SH2B3: variants seen among roughly 807,000 people sequenced by gnomAD.
SH2B3 encodes the protein SH2B adapter protein 3.
SH2B3 carries 43 observed loss-of-function variants against 51.9 expected under a neutral mutation model. That is an observed-to-expected ratio of 0.83 (90% CI 0.65 to 1.07). SH2B3 has a LOEUF of 1.07. SH2B3 is among the 50% of genes least tolerant of loss of function. The pLI is 0.00. For missense variants in SH2B3, 952 were observed against 834.3 expected, an observed-to-expected ratio of 1.14 and a Z score of -1.74; for synonymous variants, 396 against 376.0, an observed-to-expected ratio of 1.05 and a Z score of -0.62.
intron 2 of SH2B3, 141 bp downstream of exon 2, chr12:111,419,018 A>T (rs1421737673): frequency 2.9e-5 from 24 of 817,042 alleles, no homozygotes; most frequent in Non-Finnish European, 4.1e-5. Context: ...CCTCTTAAAA[A>T]AGAACTTTTA....
At position 111,418,697 on chromosome 12, in the gene SH2B3, C is replaced by T. The variant is rs1871297194; in HGVS notation, c.552C>T (p.Pro184=). 5.4e-6 allele frequency: 8 copies of T among 1,488,196 alleles called. No homozygotes were observed. The highest frequency in any genetic ancestry group is 1.5e-5 in the African/African-American group (1 of 67,886). 92.2% of individuals were successfully genotyped at this position (1,488,196 alleles called of 1,614,324 possible). ...CTGGCCTGGCCAAGAAGTTCCTGCC[C>T]TGGAGCCTGGCCCGGGAGCCGCCAC... is the stretch of plus-strand genomic sequence containing the variant. The part of the protein sequence containing the change: ...ARPGLAKKFL[P]WSLAREPPPE... The change falls in exon 2 of 8, where the codon CCC becomes CCT. Residue 184 remains proline, a synonymous_variant. Coordinates refer to ENST00000341259, the MANE Select transcript of SH2B3 (RefSeq NM_005475.3). This position sits in a 1 kb window ranked among gnomAD's most constrained non-coding sequence, Gnocchi z 6.7.
intron 2 of SH2B3, chr12:111,444,919 G>A (rs1278603070): frequency 8.2e-6 from 8 of 980,110 alleles, no homozygotes; most frequent in Non-Finnish European, 9.7e-6. Flanking sequence ...TGTGGCTCTA[G>A]GCCTGGGCGG....
intron 2 of SH2B3, among the ~76,000 whole-genome samples, chr12:111,423,665 C>T (rs975099557): frequency 1.4e-4 from 21 of 152,154 alleles, no homozygotes; most frequent in Admixed American, 1.2e-3. Context: ...CCACTGCGCC[C>T]GTCCAGGGTT....
At chr12:111,417,987 C>T in intron 1 of SH2B3, 132 bp from the exon 2 acceptor site, 1 of 641,678 alleles carries the variant, frequency 1.6e-6, no homozygotes, top group East Asian at 3.3e-5. Flanking sequence ...TGCATGTTTC[C>T]CTGCATCTTC....
intron 2 of SH2B3, chr12:111,434,865 G>A (rs1314684536): frequency 6.5e-7 from 1 of 1,535,156 alleles, no homozygotes. Context: ...TAAAATGATA[G>A]TAATGAGAGT....
At chr12:111,439,584 G>A (rs554162247) in intron 2 of SH2B3, among the ~76,000 whole-genome samples, 1 of 151,960 alleles carries the variant, frequency 6.6e-6, no homozygotes, top group South Asian at 2.1e-4. Flanking sequence ...GCGCCCAGCC[G>A]GGAGTTTCTT....
Position 111,435,136 on chromosome 12 carries a change from T to C in SH2B3, c.733-11617T>C. The C allele has an allele frequency of 3.3e-6, 3 of 899,968 alleles. No individual in the cohort carries two copies. Among genetic ancestry groups the C allele is most frequent in the Non-Finnish European group, 5.0e-6 (3 of 599,848 alleles). 55.7% of individuals were successfully genotyped at this position (899,968 alleles called of 1,614,324 possible). ...GAGACGGGCGACAGAGGTTTTTTGT[T>C]GTTTCTTAACCACATCTTTTTCCAC... On this transcript the variant is annotated intron_variant, in intron 2 of 7. Transcript: ENST00000341259. The surrounding 1 kb of genome is among the most constrained non-coding windows in gnomAD (Gnocchi z 4.8).
intron 1 of SH2B3, among the ~76,000 whole-genome samples, chr12:111,413,010 A>C (rs1703336290): frequency 6.6e-6 from 1 of 152,014 alleles, no homozygotes. Flanking sequence ...TCTGGGACTC[A>C]CTCATTCATC....
Position 111,448,384 on chromosome 12 carries a change from C to T in SH2B3, c.*82C>T. The T allele has an allele frequency of 9.4e-7, 1 of 1,064,366 alleles. No homozygotes were observed. The highest frequency in any genetic ancestry group is 1.4e-6 in the Non-Finnish European group (1 of 734,960). The allele number at this position is 1,064,366 out of a possible 1,614,324, so 65.9% of individuals were successfully genotyped here. On this transcript the variant is annotated 3_prime_UTR_variant, in exon 8 of 8. Transcript: ENST00000341259. The stretch of plus-strand genomic sequence containing the variant: ...GAACTTGTGAATGTAATTGATCTTT[C>T]CTTCCTTCCAGAGAAAGATTTAAGG...
intron 2 of SH2B3, among the ~76,000 whole-genome samples, chr12:111,425,030 C>A (rs1871879974): frequency 6.6e-6 from 1 of 151,994 alleles, no homozygotes. Context: ...AGGGAGAGAG[C>A]CAAGAGAAGG....
At chr12:111,444,863 C>A (rs889901439) in intron 2 of SH2B3, 2 of 985,690 alleles carry the variant, frequency 2.0e-6, no homozygotes, top group African/African-American at 3.5e-5. Context: ...CACCAGGTAG[C>A]TGTGGCGGAC....
At chr12:111,414,771 C>T (rs986350610) in intron 1 of SH2B3, among the ~76,000 whole-genome samples, 2 of 152,130 alleles carry the variant, frequency 1.3e-5, no homozygotes, top group South Asian at 4.2e-4. Flanking sequence ...GACATGGCCA[C>T]ATGCAGAGAC....
chr12:111,418,966 C>A lies in SH2B3; in HGVS notation c.732+89C>A. The A allele has an allele frequency of 8.1e-7, 1 of 1,238,654 alleles. No homozygotes were observed. The highest frequency in any genetic ancestry group is 1.0e-6 in the Non-Finnish European group (1 of 962,062). The allele number at this position is 1,238,654 out of a possible 1,614,324, so 76.7% of individuals were successfully genotyped here. A position where few individuals can be genotyped will look rare whatever the true frequency, so the allele number is the denominator to read the frequency against. ...AGCGCGGGCTGGGGAGGTGTGATGG[C>A]TTTCCAGCTGGTGGCCACAGAGTGT... On this transcript the variant is annotated intron_variant, in intron 2 of 7. Coordinates refer to ENST00000341259, the MANE Select transcript of SH2B3 (RefSeq NM_005475.3). The surrounding 1 kb of genome is among the most constrained non-coding windows in gnomAD (Gnocchi z 6.7).
chr12:111,430,983 CTGAT>C (rs1421892107), intron 2 of SH2B3, among the ~76,000 whole-genome samples: 14 of 150,566 alleles, frequency 9.3e-5, no homozygotes, highest in Non-Finnish European at 1.6e-4. Flanking sequence ...GAAAAGGAAA[CTGAT>C]TGCGCTAGAA....
In SH2B3 at chr12:111,418,451, G is replaced by T; in HGVS notation, c.306G>T (p.Ala102=). The change falls in exon 2 of 8, where the codon GCG becomes GCT. Residue 102 remains alanine (A), a synonymous_variant. Transcript: ENST00000341259. This position sits in a 1 kb window ranked among gnomAD's most constrained non-coding sequence, Gnocchi z 6.7. Reference sequence around the variant, plus strand: ...GTGGGCCCCCAGCCAAGGCCGAGGCGTCCCCGGAGCCAGGCCCCGGCCCCG... The same window carrying T: ...GTGGGCCCCCAGCCAAGGCCGAGGCTTCCCCGGAGCCAGGCCCCGGCCCCG... The part of the protein sequence containing the change: ...TGRGPPAKAE[A]SPEPGPGPAA... 1 of 1,405,032 alleles carries T rather than the reference G, an allele frequency of 7.1e-7. No individual in the cohort carries two copies. The highest frequency in any genetic ancestry group is 9.2e-7 in the Non-Finnish European group (1 of 1,085,338). 87.0% of individuals were successfully genotyped at this position (1,405,032 alleles called of 1,614,324 possible). A position where few individuals can be genotyped will look rare whatever the true frequency, so the allele number is the denominator to read the frequency against.
upstream of SH2B3, among the ~76,000 whole-genome samples, chr12:111,405,379 C>A (rs111374730): frequency 1.4e-5 from 2 of 146,784 alleles, no homozygotes; most frequent in African/African-American, 5.0e-5. The surrounding 1 kb of genome is among the most constrained non-coding windows in gnomAD (Gnocchi z 5.4). Context: ...TCGGGCAGGG[C>A]TGGGCTCCCT....
chr12:111,418,407 G>A lies in SH2B3; in HGVS notation c.262G>A (p.Asp88Asn), dbSNP rs1282596899. Reference protein sequence around the residue: ...EVRDGRAPGRDYRDTGRGPPA... With the variant: ...EVRDGRAPGRNYRDTGRGPPA... Reference sequence around the variant, plus strand: ...GCGCGACGGACGGGCGCCGGGCCGCGACTACCGGGACACAGGCCGTGGGCC... The same window carrying A: ...GCGCGACGGACGGGCGCCGGGCCGCAACTACCGGGACACAGGCCGTGGGCC... Residue 88 changes from aspartate to asparagine, a missense_variant, in exon 2 of 8, where the codon GAC (aspartate) becomes AAC (asparagine). Physicochemically the swap from Asp to Asn is conservative, Grantham distance 23. Transcript: ENST00000341259. The surrounding 1 kb of genome is among the most constrained non-coding windows in gnomAD (Gnocchi z 6.7). 2 of 1,488,346 alleles carry A rather than the reference G, an allele frequency of 1.3e-6. No homozygotes were observed. The allele number at this position is 1,488,346 out of a possible 1,614,324, so 92.2% of individuals were successfully genotyped here.
Position 111,429,493 on chromosome 12 carries a change from C to T in SH2B3, c.732+10616C>T, listed in dbSNP as rs905119801. Reference sequence around the variant, plus strand: ...ATTACAGGCGCCCACCACCACACTCCGCTAATTTTTCTGTATTATTAGTAG... The same window carrying T: ...ATTACAGGCGCCCACCACCACACTCTGCTAATTTTTCTGTATTATTAGTAG... On this transcript the variant is annotated intron_variant, in intron 2 of 7. Transcript: ENST00000341259. The surrounding 1 kb of genome is among the most constrained non-coding windows in gnomAD (Gnocchi z 4.4). Among the ~76,000 whole-genome samples, 8 of 152,220 alleles carry T rather than the reference C, an allele frequency of 5.3e-5. No individual in the cohort carries two copies. The East Asian group carries it at 9.7e-4, about 18-fold the overall frequency.
intron 1 of SH2B3, among the ~76,000 whole-genome samples, chr12:111,417,858 T>C (rs1395055598): frequency 6.6e-6 from 1 of 152,190 alleles, no homozygotes; most frequent in Non-Finnish European, 1.5e-5. Context: ...TCAAATACTC[T>C]CTCTGCATCT....
Sources: gnomAD v4.1 joint callset for allele counts (sites outside exome capture counted in the v4.1 genomes callset) on GRCh38, gnomAD v4.1.1 for gene constraint, Gnocchi (gnomAD v3.1) non-coding constraint, MANE v1.5 for transcripts, NCBI Gene and HGNC (gene_info 2026-07-23, HGNC 2026-07-21) for gene names.